Variants in SPOCD1 observed in about 807,000 individuals in gnomAD.
SPOCD1 encodes SPOC domain containing 1, also known as SPOC domain-containing protein 1.
A neutral mutation model predicts 92.2 loss-of-function variants in SPOCD1; 64 were observed. The observed-to-expected ratio is 0.69, with a 90% CI of 0.57 to 0.86. The LOEUF (loss-of-function observed/expected upper bound fraction) is 0.86. Among genes scored for constraint, SPOCD1 ranks in the 40% least tolerant of loss-of-function variants. The pLI is 0.00. For synonymous variants in SPOCD1, 578 were observed against 619.3 expected (o/e 0.93, Z 0.99); for missense variants, 1,360 against 1,543.1 (o/e 0.88, Z 1.99).
At chr1:31,797,769 G>A (rs1431809299) in intron 9 of SPOCD1, among the ~76,000 whole-genome samples, 3 of 152,196 alleles carry the variant, frequency 2.0e-5, no homozygotes, top group Non-Finnish European at 4.4e-5. Context: ...CATGGATACA[G>A]GGTATATGGG....
intron 9 of SPOCD1, among the ~76,000 whole-genome samples, chr1:31,797,588 T>G (rs1038196571): frequency 3.3e-5 from 5 of 152,238 alleles, no homozygotes; most frequent in African/African-American, 4.8e-5. Flanking sequence ...CAGTTCAGTG[T>G]CTTCCAGAGC....
At chr1:31,813,929 C>T in intron 2 of SPOCD1, 22 bp downstream of exon 2, 1 of 1,469,932 alleles carries the variant, frequency 6.8e-7, no homozygotes, top group Non-Finnish European at 9.0e-7. Context: ...CTTCCTATCC[C>T]AAACTCTCAG....
rs935642245 is a variant in SPOCD1 at position 31,800,147 on chromosome 1, G to A, written c.1603-6C>T. ...GAAGGAGAAGGCTGGAAAACCTTGG[G>A]GCAGGGAGCAGACAAGCTATTGGCC... On this transcript the variant is annotated splice_region_variant and splice_polypyrimidine_tract_variant and intron_variant, in intron 4 of 15. Coordinates refer to ENST00000360482, the MANE Select transcript of SPOCD1 (RefSeq NM_144569.7). 1.0e-5 allele frequency: 16 copies of A among 1,594,768 alleles called. No homozygotes were observed. The highest frequency in any genetic ancestry group is 1.8e-5 in the Admixed American group (1 of 55,120).
intron 2 of SPOCD1, among the ~76,000 whole-genome samples, chr1:31,805,400 G>A (rs901144398): frequency 1.3e-5 from 2 of 152,150 alleles, no homozygotes; most frequent in African/African-American, 2.4e-5. Context: ...GGCAATGAAA[G>A]GGAGAAAGTG....
intron 10 of SPOCD1, chr1:31,795,439 T>A (rs1647936342): frequency 1.3e-5 from 2 of 152,178 alleles, no homozygotes; most frequent in African/African-American, 4.8e-5. Flanking sequence ...GAGACACTGC[T>A]TGTAAAAGGT....
chr1:31,799,539 G>A, intron 6 of SPOCD1, 54 bp from the exon 7 acceptor site: 1 of 1,499,412 alleles, frequency 6.7e-7, no homozygotes, highest in Admixed American at 1.9e-5. Context: ...AAAGGGGAGG[G>A]GGCTGACTCA....
intron 2 of SPOCD1, 118 bp downstream of exon 2, chr1:31,813,833 A>G (rs1429925565): frequency 3.4e-6 from 3 of 880,514 alleles, no homozygotes; most frequent in African/African-American, 1.7e-5. Flanking sequence ...GTTAATAGGG[A>G]TGTGAGAATG....
Position 31,814,370 on chromosome 1 carries a change from G to C in SPOCD1, c.964C>G (p.Pro322Ala). ...AGGCACAGTGCTGCGCTCTGTGGAGGAGCCTGTGCAGCTGAACTGAGGGAC... is the reference window on the plus strand; with the variant it reads ...AGGCACAGTGCTGCGCTCTGTGGAGCAGCCTGTGCAGCTGAACTGAGGGAC... ...GESLSSAAQA[P>A]PQSAALCLGA... The change falls in exon 2 of 16, where the codon CCT becomes GCT. Residue 322 changes from proline (P) to alanine (A), a missense_variant. Around this residue, in one of 3 missense-constraint regions of SPOCD1, gnomAD observed 606 missense variants for 601.5 expected, o/e 1.01. Coordinates refer to ENST00000360482, the MANE Select transcript of SPOCD1 (RefSeq NM_144569.7). The surrounding 1 kb of genome is among the most constrained non-coding windows in gnomAD (Gnocchi z 4.2). 1 of 1,605,636 alleles carries C rather than the reference G, an allele frequency of 6.2e-7. No individual in the cohort carries two copies. The highest frequency in any genetic ancestry group is 8.5e-7 in the Non-Finnish European group (1 of 1,175,422).
rs1648155749 is a variant in SPOCD1, at chr1:31,798,134, C to T, written c.2145+73G>A. 4.5e-6 allele frequency: 5 copies of T among 1,112,146 alleles called. No individual in the cohort carries two copies. Among genetic ancestry groups the T allele is most frequent in the Non-Finnish European group, 6.9e-6 (5 of 724,474 alleles). The allele number at this position is 1,112,146 out of a possible 1,614,324, so 68.9% of individuals were successfully genotyped here. A position where few individuals can be genotyped will look rare whatever the true frequency, so the allele number is the denominator to read the frequency against. On this transcript the variant is annotated intron_variant, in intron 9 of 15. Coordinates refer to ENST00000360482, the MANE Select transcript of SPOCD1 (RefSeq NM_144569.7). This position sits in a 1 kb window ranked among gnomAD's most constrained non-coding sequence, Gnocchi z 4.1. ...TCCCTCCCTCCCTGTCTCTGTCTCTCCCTCTTCCACTCTCAGGCCACCCAC... is the reference window on the plus strand; with the variant it reads ...TCCCTCCCTCCCTGTCTCTGTCTCTTCCTCTTCCACTCTCAGGCCACCCAC...
intron 13 of SPOCD1, 75 bp from the exon 14 acceptor site, chr1:31,792,842 G>A: frequency 2.5e-6 from 3 of 1,206,496 alleles, no homozygotes; most frequent in Non-Finnish European, 3.6e-6. Flanking sequence ...CCAGCCACCT[G>A]GAAGGCTGCA....
intron 2 of SPOCD1, among the ~76,000 whole-genome samples, chr1:31,807,532 CTA>C (rs1270325770): frequency 6.7e-6 from 1 of 149,112 alleles, no homozygotes; most frequent in Admixed American, 6.8e-5. Context: ...TATGTTAAGT[CTA>C]TGAATGCAGC....
At chr1:31,799,726 C>G in intron 6 of SPOCD1, 83 bp downstream of exon 6, 1 of 1,499,802 alleles carries the variant, frequency 6.7e-7, no homozygotes, top group Non-Finnish European at 9.2e-7. Context: ...ATAGCAGGGG[C>G]TGGGCCCAGG....
At position 31,796,160 on chromosome 1, in the gene SPOCD1, GTGCCGGGTGGTTCCC is replaced by G. The variant is rs1024020196; in HGVS notation, c.2271+415_2271+429del. 17 of 284,194 alleles carry G rather than the reference GTGCCGGGTGGTTCCC, an allele frequency of 6.0e-5. No individual in the cohort carries two copies. The Admixed American group carries it at 8.1e-4, about 14-fold the overall frequency. 17.6% of individuals were successfully genotyped at this position (284,194 alleles called of 1,614,324 possible). Reference sequence around the variant, plus strand: ...GAGGCCCTCTGGATGGACTGCCAGGGTGCCGGGTGGTTCCCTGCCTGGAGCATCCCTAAACCAATC... The same window carrying G: ...GAGGCCCTCTGGATGGACTGCCAGGGTGCCTGGAGCATCCCTAAACCAATC... On this transcript the variant is annotated intron_variant, in intron 10 of 15. Coordinates refer to ENST00000360482, the MANE Select transcript of SPOCD1 (RefSeq NM_144569.7).
rs1485581663 is a variant in SPOCD1, at chr1:31,814,577, C to T, written c.757G>A (p.Gly253Arg). ...GGAGAGGGAGGTCTGCAAGGGCCTC[C>T]CAAGGACTCCAGGTCAGCAACTTGG... ...PPQVADLESL[G>R]GPCRPPSPKD... Residue 253 changes from glycine (G) to arginine (R), a missense_variant, in exon 2 of 16, where the codon GGA becomes AGA. Physicochemically the swap from Gly to Arg is moderately radical, Grantham distance 125. Transcript: ENST00000360482. The surrounding 1 kb of genome is among the most constrained non-coding windows in gnomAD (Gnocchi z 4.2). 1 of 1,528,652 alleles carries T rather than the reference C, an allele frequency of 6.5e-7. No individual in the cohort carries two copies. The highest frequency in any genetic ancestry group is 8.8e-7 in the Non-Finnish European group (1 of 1,138,260). 94.7% of individuals were successfully genotyped at this position (1,528,652 alleles called of 1,614,324 possible). A position where few individuals can be genotyped will look rare whatever the true frequency, so the allele number is the denominator to read the frequency against.
intron 2 of SPOCD1, among the ~76,000 whole-genome samples, chr1:31,808,367 T>C (rs2149115688): frequency 6.6e-6 from 1 of 151,202 alleles, no homozygotes; most frequent in East Asian, 1.9e-4. Context: ...CTCCTTAAAT[T>C]AACGTTAATA....
intron 2 of SPOCD1, among the ~76,000 whole-genome samples, chr1:31,809,250 C>G (rs1649038786): frequency 6.6e-6 from 1 of 152,184 alleles, no homozygotes; most frequent in African/African-American, 2.4e-5. Context: ...GAAATTAAAA[C>G]AACATTGAGA....
In SPOCD1 at chr1:31,814,769, G is replaced by T; in HGVS notation, c.565C>A (p.Pro189Thr). The T allele has an allele frequency of 6.2e-7, 1 of 1,613,548 alleles. No homozygotes were observed. ...GAGGATGTCAGGGGCCTTCCAGGGG[G>T]CTCCTCTTTGCTGAGTGTGGGGCTT... The part of the protein sequence containing the change: ...RRSPTLSKEE[P>T]PGRPLTSSPD... The change falls in exon 2 of 16, where the codon CCC (proline) becomes ACC (threonine). Residue 189 changes from proline to threonine, a missense_variant. Pro to Thr is a conservative substitution (Grantham distance 38). This residue lies in a region of SPOCD1 where 606 missense variants were observed against 601.5 expected (regional missense o/e 1.01). Transcript: ENST00000360482. The surrounding 1 kb of genome is among the most constrained non-coding windows in gnomAD (Gnocchi z 4.2).
Position 31,815,099 on chromosome 1 carries a change from G to T in SPOCD1, c.235C>A (p.Arg79=), listed in dbSNP as rs577735960. 6.2e-7 allele frequency: 1 copy of T among 1,612,492 alleles called. No homozygotes were observed. The part of the protein sequence containing the change: ...SSRAAGAAEV[R]PGVLELLAVV... ...GCTAGCAGCTCCAAGACCCCTGGCC[G>T]GACCTCAGCAGCACCTGCAGCCCGG... The change falls in exon 2 of 16, where the codon CGG becomes AGG. Residue 79 remains arginine (R), a synonymous_variant. Transcript: ENST00000360482.
At chr1:31,808,012 A>G (rs1321784025) in intron 2 of SPOCD1, among the ~76,000 whole-genome samples, 1 of 152,242 alleles carries the variant, frequency 6.6e-6, no homozygotes, top group Non-Finnish European at 1.5e-5. Context: ...CACCTTCCCT[A>G]AAGAGAACAT....
Sources: gnomAD v4.1 joint callset for allele counts (sites outside exome capture counted in the v4.1 genomes callset) on GRCh38, gnomAD v4.1.1 for gene constraint, gnomAD v4.1.1 regional missense constraint, Gnocchi (gnomAD v3.1) non-coding constraint, MANE v1.5 for transcripts, NCBI Gene and HGNC (gene_info 2026-07-23, HGNC 2026-07-21) for gene names.